Variants in CFAP221 observed in about 807,000 individuals in gnomAD.
CFAP221 encodes cilia- and flagella-associated protein 221.
Under a neutral mutation model 113.1 loss-of-function variants are expected in CFAP221, and 97 were observed. The observed-to-expected ratio is 0.86, with a 90% CI of 0.73 to 1.02. CFAP221 has a LOEUF of 1.02. Ranked by LOEUF, CFAP221 falls within the 50% of genes least tolerant of loss-of-function variation. CFAP221 has a pLI of 0.00. For missense variants in CFAP221, 1,025 were observed against 1,013.4 expected (o/e 1.01, Z -0.16); for synonymous variants, 331 against 354.4 (o/e 0.93, Z 0.74).
At chr2:119,599,334 G>A (rs1469912627) in intron 7 of CFAP221, among the ~76,000 whole-genome samples, 1 of 152,192 alleles carries the variant, frequency 6.6e-6, no homozygotes, top group East Asian at 1.9e-4. Flanking sequence ...CTGACTGAAG[G>A]TTCCTGTGGA....
At chr2:119,610,699 C>G (rs1432483416) in intron 12 of CFAP221, among the ~76,000 whole-genome samples, 1 of 152,132 alleles carries the variant, frequency 6.6e-6, no homozygotes, top group Non-Finnish European at 1.5e-5. Flanking sequence ...AATAACACAC[C>G]TCTCTTATTT....
rs1040332260 is a variant in CFAP221, at chr2:119,620,260, G to A, written c.1410+4551G>A. Among the ~76,000 whole-genome samples the A allele has an allele frequency of 3.3e-5, 5 of 152,126 alleles. No homozygotes were observed. In the South Asian group the frequency reaches 6.2e-4, roughly 19 times the overall value. On this transcript the variant is annotated intron_variant, in intron 14 of 23. Transcript: ENST00000413369. ...AGAGAACACCACAAAGATACTCCTC[G>A]AGAAGAGCAACCCCAAGACACATAA...
chr2:119,603,456 T>C (rs1318234404), intron 8 of CFAP221, among the ~76,000 whole-genome samples: 1 of 152,166 alleles, frequency 6.6e-6, no homozygotes, highest in Non-Finnish European at 1.5e-5. Context: ...TCCCATGCCC[T>C]GGGTTGTAAG....
intron 6 of CFAP221, among the ~76,000 whole-genome samples, chr2:119,581,394 GA>G (rs1243294318): frequency 6.6e-6 from 1 of 152,108 alleles, no homozygotes; most frequent in Non-Finnish European, 1.5e-5. Context: ...GAACCATTTA[GA>G]AATCTTAAAA....
chr2:119,584,630 C>T (rs1294052927), intron 6 of CFAP221, among the ~76,000 whole-genome samples: 2 of 150,782 alleles, frequency 1.3e-5, no homozygotes, highest in Non-Finnish European at 3.0e-5. Context: ...GAGAACAAAA[C>T]CAATGAATAG....
chr2:119,628,866 G>A (rs552674044), intron 16 of CFAP221, among the ~76,000 whole-genome samples: 1 of 152,278 alleles, frequency 6.6e-6, no homozygotes, highest in South Asian at 2.1e-4. Flanking sequence ...AATTAATGGG[G>A]TGAAGAGGTT....
At chr2:119,586,849 A>G (rs1683260065) in intron 6 of CFAP221, 1 of 305,876 alleles carries the variant, frequency 3.3e-6, no homozygotes, top group African/African-American at 2.2e-5. Flanking sequence ...TTCTGCCACT[A>G]ACTATGTCAC....
At chr2:119,646,805 C>T (rs1311921806) in intron 21 of CFAP221, among the ~76,000 whole-genome samples, 153 bp from the exon 22 acceptor site, 1 of 152,188 alleles carries the variant, frequency 6.6e-6, no homozygotes, top group Non-Finnish European at 1.5e-5. Context: ...GCCTTTGCCT[C>T]TGGGAACCAT....
intron 6 of CFAP221, among the ~76,000 whole-genome samples, chr2:119,563,279 C>G (rs893067557): frequency 2.0e-5 from 3 of 152,156 alleles, no homozygotes; most frequent in African/African-American, 7.2e-5. Context: ...AAATAGTTGT[C>G]ATACTGTATA....
intron 8 of CFAP221, 128 bp downstream of exon 8, chr2:119,601,505 C>A: frequency 3.5e-6 from 3 of 856,426 alleles, no homozygotes; most frequent in South Asian, 4.4e-5. Flanking sequence ...GATGAGCCAA[C>A]ATAAGATATA....
At position 119,651,847 on chromosome 2, in the gene CFAP221, A is replaced by G. The variant is rs888245979; in HGVS notation, c.2319-127A>G. 1.1e-5 allele frequency: 7 copies of G among 633,776 alleles called. No individual in the cohort carries two copies. In the African/African-American group the frequency reaches 1.3e-4, roughly 12 times the overall value. 39.3% of individuals were successfully genotyped at this position (633,776 alleles called of 1,614,324 possible). On this transcript the variant is annotated intron_variant, in intron 22 of 23. Coordinates refer to ENST00000413369, the MANE Select transcript of CFAP221 (RefSeq NM_001271049.2). ...TATGCTTCTTTTAATGTAAACAACAAAAGTAGATGGAACTAAAGTTGAATA... is the reference window on the plus strand; with the variant it reads ...TATGCTTCTTTTAATGTAAACAACAGAAGTAGATGGAACTAAAGTTGAATA...
chr2:119,558,634 A>G, intron 3 of CFAP221, among the ~76,000 whole-genome samples: 1 of 152,138 alleles, frequency 6.6e-6, no homozygotes, highest in South Asian at 2.1e-4. Flanking sequence ...CCTGGACAAC[A>G]TAATGAGACC....
rs11403185 is a variant in CFAP221 at position 119,640,214 on chromosome 2, C to CAAA, written c.2225+352_2225+354dup. ...GACAGAGAGAGACTCCATCTCAAAA[C>CAAA]AAAAAAAAAAAAGGAAAAAAAATCA... On this transcript the variant is annotated intron_variant, in intron 21 of 23. Transcript: ENST00000413369. Among the ~76,000 whole-genome samples the CAAA allele has an allele frequency of 4.1e-3, 590 of 143,336 alleles. 2 individuals are homozygous for CAAA. The highest frequency in any genetic ancestry group is 0.014 in the African/African-American group (553 of 39,080). 94.0% of individuals were successfully genotyped at this position (143,336 alleles called of 152,430 possible).
chr2:119,651,941 G>A (rs764283482), intron 22 of CFAP221, 33 bp from the exon 23 acceptor site: 35 of 1,489,096 alleles, frequency 2.4e-5, no homozygotes, highest in Non-Finnish European at 3.2e-5. Flanking sequence ...GGAAGGAAAA[G>A]CAGTGCCCAC....
Position 119,627,659 on chromosome 2 carries a change from A to G in CFAP221, c.1523A>G (p.Asn508Ser), listed in dbSNP as rs1184759014. The G allele has an allele frequency of 6.2e-7, 1 of 1,613,182 alleles. No homozygotes were observed. The highest frequency in any genetic ancestry group is 1.3e-5 in the African/African-American group (1 of 74,670). ...QAKQSIAQEA[N>S]FFKFFLRRIS... Reference sequence around the variant, plus strand: ...CCCTTTTTTTCACCCATAGAGGCGAATTTCTTCAAATTCTTCCTGAGGCGG... The same window carrying G: ...CCCTTTTTTTCACCCATAGAGGCGAGTTTCTTCAAATTCTTCCTGAGGCGG... Residue 508 changes from asparagine to serine, a missense_variant, in exon 16 of 24, where the codon AAT (asparagine) becomes AGT (serine). Asn to Ser is a conservative substitution (Grantham distance 46). Transcript: ENST00000413369.
chr2:119,546,194 A>C lies in CFAP221; in HGVS notation c.63A>C (p.Ala21=). ...LKNAKEPFNN[A]SPHLLKNLVE... ...ATGCTAAAGAACCCTTTAATAATGC[A>C]TCACCCCATCTCTTGAAGAACCTAG... The change falls in exon 2 of 24, where the codon GCA becomes GCC. Residue 21 remains alanine, a synonymous_variant. Transcript: ENST00000413369. 6.5e-7 allele frequency: 1 copy of C among 1,535,960 alleles called. No homozygotes were observed. The highest frequency in any genetic ancestry group is 8.7e-7 in the Non-Finnish European group (1 of 1,146,818).
chr2:119,557,738 C>T (rs923405263), intron 3 of CFAP221, among the ~76,000 whole-genome samples: 1 of 152,096 alleles, frequency 6.6e-6, no homozygotes, highest in African/African-American at 2.4e-5. Flanking sequence ...CGGTGGCTTA[C>T]GCCTGTAATC....
rs1472675232 is a variant in CFAP221 at position 119,601,347 on chromosome 2, C to T, written c.761C>T (p.Thr254Ile). ...FNSQPYECVFTGTCYPNMALP... is the reference protein window; with the variant it reads ...FNSQPYECVFIGTCYPNMALP... ...TCTCAACCATACGAATGTGTCTTCACCGGAACATGCTATCCCAACATGGCC... is the reference window on the plus strand; with the variant it reads ...TCTCAACCATACGAATGTGTCTTCATCGGAACATGCTATCCCAACATGGCC... Residue 254 changes from threonine to isoleucine, a missense_variant, in exon 8 of 24, where the codon ACC becomes ATC. Transcript: ENST00000413369. 1.3e-6 allele frequency: 2 copies of T among 1,533,526 alleles called. No individual in the cohort carries two copies. Among genetic ancestry groups the T allele is most frequent in the Admixed American group, 3.9e-5 (2 of 50,828 alleles). The allele number at this position is 1,533,526 out of a possible 1,614,324, so 95.0% of individuals were successfully genotyped here.
At chr2:119,595,053 C>T (rs902176610) in intron 7 of CFAP221, among the ~76,000 whole-genome samples, 2 of 152,200 alleles carry the variant, frequency 1.3e-5, no homozygotes, top group African/African-American at 4.8e-5. Context: ...ACAGTGGTCA[C>T]GACTCTCCTC....
Sources: gnomAD v4.1 joint callset for allele counts (sites outside exome capture counted in the v4.1 genomes callset) on GRCh38, gnomAD v4.1.1 for gene constraint, MANE v1.5 for transcripts, NCBI Gene and HGNC (gene_info 2026-07-23, HGNC 2026-07-21) for gene names.